Variants in TSHZ2 observed in about 807,000 individuals in gnomAD.
TSHZ2 encodes teashirt homolog 2.
Under a neutral mutation model 74.4 loss-of-function variants are expected in TSHZ2, and 21 were observed. The observed-to-expected ratio is 0.28, with a 90% CI of 0.20 to 0.41. The LOEUF is 0.41. Among genes scored for constraint, TSHZ2 ranks in the 10% least tolerant of loss-of-function variants. TSHZ2 has a pLI of 1.00. For missense variants in TSHZ2, 1,244 were observed against 1,293.5 expected (o/e 0.96, Z 0.59); for synonymous variants, 540 against 515.3 (o/e 1.05, Z -0.65).
At chr20:53,341,990 C>T (rs200615) in intron 2 of TSHZ2, among the ~76,000 whole-genome samples, 44,364 of 151,878 alleles carry the variant, frequency 0.29, 7,912 homozygotes, top group Non-Finnish European at 0.4. Context: ...GGATTATAGG[C>T]GTGAGCAATC....
At position 52,979,663 on chromosome 20, in the gene TSHZ2, G is replaced by C. The variant is rs146447391; in HGVS notation, c.40+6330G>C. Among the ~76,000 whole-genome samples the C allele has an allele frequency of 2.0e-5, 3 of 152,290 alleles. No individual in the cohort carries two copies. The East Asian group carries it at 5.8e-4, about 29-fold the overall frequency. On this transcript the variant is annotated intron_variant, in intron 1 of 2. Coordinates refer to ENST00000371497, the MANE Select transcript of TSHZ2 (RefSeq NM_173485.6). ...TTAAAATGGCCATTTGGAATTTTCAGTTGTTGCCTCCCTCAATTTTTTACG... is the reference window on the plus strand; with the variant it reads ...TTAAAATGGCCATTTGGAATTTTCACTTGTTGCCTCCCTCAATTTTTTACG...
chr20:53,103,403 A>G (rs1986273124), intron 1 of TSHZ2, among the ~76,000 whole-genome samples: 1 of 152,232 alleles, frequency 6.6e-6, no homozygotes, highest in Non-Finnish European at 1.5e-5. Flanking sequence ...CACAAAATTA[A>G]AATAAGCCAA....
At chr20:53,267,036 C>T (rs1328845263) in intron 2 of TSHZ2, among the ~76,000 whole-genome samples, 3 of 152,146 alleles carry the variant, frequency 2.0e-5, no homozygotes, top group African/African-American at 7.2e-5. Context: ...CCTCAGCCTC[C>T]CAAAGTGCTG....
intron 1 of TSHZ2, among the ~76,000 whole-genome samples, chr20:53,198,883 A>T (rs992613005): frequency 1.1e-4 from 17 of 152,180 alleles, no homozygotes; most frequent in African/African-American, 3.9e-4. Context: ...GAGAATATTA[A>T]TGACACTAGA....
At chr20:53,298,833 G>A (rs1230843367) in intron 2 of TSHZ2, among the ~76,000 whole-genome samples, 1 of 152,182 alleles carries the variant, frequency 6.6e-6, no homozygotes, top group African/African-American at 2.4e-5. Context: ...CCTTAAAAGA[G>A]ATTGGTCACA....
At chr20:53,259,154 G>T (rs771033743) in intron 2 of TSHZ2, among the ~76,000 whole-genome samples, 1 of 152,174 alleles carries the variant, frequency 6.6e-6, no homozygotes, top group African/African-American at 2.4e-5. Flanking sequence ...TGACATCACT[G>T]TTGTCTGGAA....
intron 2 of TSHZ2, among the ~76,000 whole-genome samples, chr20:53,296,354 T>G (rs1030142833): frequency 1.1e-4 from 16 of 152,228 alleles, no homozygotes; most frequent in African/African-American, 3.9e-4. Context: ...AAGGTTTTAT[T>G]CTTAAAAGAT....
chr20:53,296,404 T>A (rs1991381574), intron 2 of TSHZ2, among the ~76,000 whole-genome samples: 1 of 152,238 alleles, frequency 6.6e-6, no homozygotes, highest in African/African-American at 2.4e-5. Context: ...ACATTCAATA[T>A]GCTGGCAATT....
At chr20:53,166,707 G>T (rs6022311) in intron 1 of TSHZ2, among the ~76,000 whole-genome samples, 1,923 of 152,196 alleles carry the variant, frequency 0.013, 35 homozygotes, top group African/African-American at 0.044. Flanking sequence ...GGAAGTAGAG[G>T]TTTCAGTGAG....
At chr20:53,302,548 G>A (rs993260037) in intron 2 of TSHZ2, among the ~76,000 whole-genome samples, 1 of 152,142 alleles carries the variant, frequency 6.6e-6, no homozygotes, top group African/African-American at 2.4e-5. Context: ...CTTTCTAACC[G>A]TGTGTGGGTG....
intron 1 of TSHZ2, among the ~76,000 whole-genome samples, chr20:53,038,192 CAAAAAAAAAAAAAAAAAAAAAAAA>C (rs869242676): frequency 4.8e-4 from 26 of 53,940 alleles, no homozygotes; most frequent in Admixed American, 1.3e-3. Flanking sequence ...GATTCCGTCT[CAAAAAAAAAAAAAAAAAAAAAAAA>C]AAAAAAAAAA....
intron 2 of TSHZ2, among the ~76,000 whole-genome samples, chr20:53,338,028 A>C (rs73911298): frequency 0.034 from 5,161 of 152,184 alleles, 273 homozygotes; most frequent in African/African-American, 0.12. Context: ...GAAGTTAGAA[A>C]ACCTCTCTGA....
intron 2 of TSHZ2, among the ~76,000 whole-genome samples, chr20:53,443,540 C>G (rs1984423081): frequency 6.6e-6 from 1 of 152,204 alleles, no homozygotes; most frequent in Non-Finnish European, 1.5e-5. Flanking sequence ...ATTCTTCCAT[C>G]CATGAGCCCT....
At chr20:53,355,775 C>T (rs984842867) in intron 2 of TSHZ2, among the ~76,000 whole-genome samples, 10 of 141,400 alleles carry the variant, frequency 7.1e-5, no homozygotes, top group African/African-American at 2.4e-4. Flanking sequence ...CTCAATGAAG[C>T]TGTTAACAAA....
intron 1 of TSHZ2, among the ~76,000 whole-genome samples, chr20:53,089,679 G>A (rs1174562222): frequency 6.6e-6 from 1 of 152,166 alleles, no homozygotes; most frequent in Non-Finnish European, 1.5e-5. Context: ...TAGATCATAA[G>A]ATACGTGGCT....
chr20:53,473,275 G>C (rs939191934), intron 2 of TSHZ2, among the ~76,000 whole-genome samples: 23 of 143,560 alleles, frequency 1.6e-4, no homozygotes, highest in African/African-American at 5.8e-4. Context: ...GCTTTGAAGA[G>C]AGCAGTGGTT....
At chr20:53,220,596 A>G (rs1989531324) in intron 1 of TSHZ2, among the ~76,000 whole-genome samples, 1 of 152,154 alleles carries the variant, frequency 6.6e-6, no homozygotes, top group African/African-American at 2.4e-5. Context: ...TCACGCTAAG[A>G]CAGCACAGCT....
At chr20:53,475,609 A>C (rs1985968332) in intron 2 of TSHZ2, among the ~76,000 whole-genome samples, 1 of 124,014 alleles carries the variant, frequency 8.1e-6, no homozygotes, top group South Asian at 2.8e-4. Context: ...CTAGAAAAGC[A>C]AGAGCAAACA....
At chr20:53,011,376 T>A (rs1982843553) in intron 1 of TSHZ2, among the ~76,000 whole-genome samples, 1 of 152,212 alleles carries the variant, frequency 6.6e-6, no homozygotes, top group Non-Finnish European at 1.5e-5. Context: ...ATACCTTTAT[T>A]TCCAATGTAA....
Sources: allele counts gnomAD v4.1 joint callset (sites outside exome capture counted in the v4.1 genomes callset), GRCh38; gene constraint gnomAD v4.1.1; transcripts MANE v1.5; gene names NCBI Gene and HGNC (gene_info 2026-07-23, HGNC 2026-07-21).